Variants in PFKFB2 observed in about 807,000 individuals in gnomAD.
PFKFB2 encodes 6-phosphofructo-2-kinase/fructose-2,6-biphosphatase 2.
A neutral mutation model predicts 68.0 loss-of-function variants in PFKFB2; 53 were observed. The ratio of observed to expected loss-of-function variants is 0.78; its 90% CI spans 0.63 to 0.98. The LOEUF (loss-of-function observed/expected upper bound fraction) is 0.98. PFKFB2 is among the 50% of genes least tolerant of loss of function. PFKFB2 has a pLI of 0.00. For missense variants in PFKFB2, 451 were observed against 642.0 expected, an observed-to-expected ratio of 0.70 and a Z score of 3.22; for synonymous variants, 222 against 227.6, an observed-to-expected ratio of 0.98 and a Z score of 0.22.
At chr1:207,051,184 G>T (rs780904220), upstream of PFKFB2, 3 of 1,384,020 alleles carry the variant, frequency 2.2e-6, no homozygotes, top group Admixed American at 3.1e-5. Context: ...AAAGGACAAC[G>T]GGTCTTGCTA....
upstream of PFKFB2, chr1:207,052,253 G>C (rs1364563083): frequency 2.5e-6 from 4 of 1,609,998 alleles, no homozygotes; most frequent in African/African-American, 5.4e-5. Flanking sequence ...CATCTTTCAT[G>C]ACTCAATTTT....
intron 7 of PFKFB2, 135 bp from the exon 8 acceptor site, chr1:207,064,901 T>G: frequency 3.1e-6 from 3 of 976,462 alleles, no homozygotes; most frequent in Non-Finnish European, 4.4e-6. Flanking sequence ...GGGTACTCAA[T>G]GAGTGGAGTG....
At position 207,061,957 on chromosome 1, in the gene PFKFB2, G is replaced by T; in HGVS notation, c.90G>T (p.Trp30Cys). The T allele has an allele frequency of 6.2e-7, 1 of 1,613,742 alleles. No individual in the cohort carries two copies. Among genetic ancestry groups the T allele is most frequent in the South Asian group, 1.1e-5 (1 of 91,076 alleles). The change falls in exon 3 of 15, where the codon TGG becomes TGT. Residue 30 changes from tryptophan to cysteine, a missense_variant. Trp to Cys is a radical substitution (Grantham distance 215). Transcript: ENST00000367080. ...NLRMSEKKCS[W>C]ASYMTNSPTL... ...TTTTGTTTCATTTCCTTCTAGCATG[G>T]GCCTCCTACATGACCAACTCCCCGA...
chr1:207,066,973 A>T (rs1459137183), intron 8 of PFKFB2, among the ~76,000 whole-genome samples: 1 of 152,202 alleles, frequency 6.6e-6, no homozygotes, highest in Admixed American at 6.5e-5. Flanking sequence ...TTTTATAAAG[A>T]GAACAATCTC....
intron 8 of PFKFB2, among the ~76,000 whole-genome samples, chr1:207,065,851 C>T (rs976118929): frequency 4.6e-5 from 7 of 152,168 alleles, no homozygotes; most frequent in Non-Finnish European, 1.0e-4. Context: ...CAAAATGTCT[C>T]CAGACATGTC....
intron 1 of PFKFB2, among the ~76,000 whole-genome samples, chr1:207,039,162 T>C (rs1352686160): frequency 6.6e-6 from 1 of 152,218 alleles, no homozygotes; most frequent in Non-Finnish European, 1.5e-5. Flanking sequence ...GTCAACATAA[T>C]GCAAAATCTG....
At chr1:207,079,410 G>A (rs1405779853), downstream of PFKFB2, 3 of 242,002 alleles carry the variant, frequency 1.2e-5, no homozygotes, top group East Asian at 1.1e-4. Context: ...CTTTTCAAGT[G>A]AGAAGGTAAG....
Position 207,069,761 on chromosome 1 carries a change from C to T in PFKFB2, c.1092+233C>T, listed in dbSNP as rs535367532. Among the ~76,000 whole-genome samples the T allele has an allele frequency of 8.5e-5, 13 of 152,284 alleles. No homozygotes were observed. In the East Asian group the frequency reaches 2.5e-3, roughly 29 times the overall value. Reference sequence around the variant, plus strand: ...TGTTCAGTATGTTTTAGAATCAACACAATCATTTTTACTTCTTTTTTTCCT... The same window carrying T: ...TGTTCAGTATGTTTTAGAATCAACATAATCATTTTTACTTCTTTTTTTCCT... On this transcript the variant is annotated intron_variant, in intron 11 of 14. Coordinates refer to ENST00000367080, the MANE Select transcript of PFKFB2 (RefSeq NM_006212.2).
At position 207,070,903 on chromosome 1, in the gene PFKFB2, G is replaced by T; in HGVS notation, c.1223-285G>T. ...GAAGCTGTTGTGGTCAGACCTTATT[G>T]GCCTTTGCTGTACCCAGGTGACCCC... On this transcript the variant is annotated intron_variant, in intron 12 of 14. Coordinates refer to ENST00000367080, the MANE Select transcript of PFKFB2 (RefSeq NM_006212.2). This position sits in a 1 kb window ranked among gnomAD's most constrained non-coding sequence, Gnocchi z 4.2. 2.6e-6 allele frequency: 1 copy of T among 381,322 alleles called. No homozygotes were observed. The highest frequency in any genetic ancestry group is 4.3e-5 in the Admixed American group (1 of 23,324). The allele number at this position is 381,322 out of a possible 1,614,324, so 23.6% of individuals were successfully genotyped here.
At chr1:207,037,821 G>A (rs1027041052) in intron 1 of PFKFB2, among the ~76,000 whole-genome samples, 8 of 152,140 alleles carry the variant, frequency 5.3e-5, no homozygotes, top group Non-Finnish European at 1.0e-4. Context: ...CCTTGAGGCA[G>A]TTTAAACTTT....
upstream of PFKFB2, chr1:207,049,562 C>G (rs1402215524): frequency 6.2e-7 from 1 of 1,614,142 alleles, no homozygotes; most frequent in Non-Finnish European, 8.5e-7. Flanking sequence ...CCTCCTTCGA[C>G]GACATAGTAC....
intron 2 of PFKFB2, among the ~76,000 whole-genome samples, chr1:207,057,650 C>T (rs192692502): frequency 1.6e-4 from 25 of 151,602 alleles, no homozygotes; most frequent in East Asian, 1.5e-3. Context: ...ATTTAGAAAG[C>T]GAAAAGTAAA....
At chr1:207,057,079 G>A (rs1682944144) in intron 2 of PFKFB2, among the ~76,000 whole-genome samples, 1 of 152,064 alleles carries the variant, frequency 6.6e-6, no homozygotes, top group Non-Finnish European at 1.5e-5. Context: ...AACTGCTCCA[G>A]GGATGGGGCG....
intron 2 of PFKFB2, among the ~76,000 whole-genome samples, chr1:207,057,302 C>CAAAAAAAAAAAAAAAAA (rs748726221): frequency 2.5e-5 from 1 of 40,388 alleles, no homozygotes; most frequent in Non-Finnish European, 5.0e-5. Context: ...AAAAAAACTA[C>CAAAAAAAAAAAAAAAAA]AAAAAAAAAA....
rs1289980321 is a variant in PFKFB2 at position 207,076,242 on chromosome 1, CT to C, written c.*3880del. ...TTTGGAAATAAATTCATCTATGTTA[CT>C]TTTTTTTTCTTTTTTTTTTTTTTTT... On this transcript the variant is annotated 3_prime_UTR_variant, in exon 15 of 15. Coordinates refer to ENST00000367080, the MANE Select transcript of PFKFB2 (RefSeq NM_006212.2). 4.8e-5 allele frequency: 44 copies of C among 919,888 alleles called. No homozygotes were observed. The highest frequency in any genetic ancestry group is 2.0e-4 in the South Asian group (4 of 19,856). The allele number at this position is 919,888 out of a possible 1,614,324, so 57.0% of individuals were successfully genotyped here.
intron 2 of PFKFB2, among the ~76,000 whole-genome samples, chr1:207,059,101 T>C (rs537031236): frequency 6.6e-6 from 1 of 152,290 alleles, no homozygotes; most frequent in African/African-American, 2.4e-5. Flanking sequence ...TGTGCTTAAG[T>C]GTATTCTGGA....
chr1:207,049,759 A>T (rs1434161809), upstream of PFKFB2: 3 of 1,563,666 alleles, frequency 1.9e-6, no homozygotes, highest in Non-Finnish European at 2.6e-6. Context: ...TCTGCAAAGA[A>T]ATTACAGAAG....
chr1:207,066,021 TGCATATTATA>T (rs1683278179), intron 8 of PFKFB2, among the ~76,000 whole-genome samples: 1 of 152,242 alleles, frequency 6.6e-6, no homozygotes, highest in Non-Finnish European at 1.5e-5. Flanking sequence ...GTGTATATCA[TGCATATTATA>T]GCATAACATA....
chr1:207,066,943 C>T (rs1326694359), intron 8 of PFKFB2, among the ~76,000 whole-genome samples: 4 of 152,178 alleles, frequency 2.6e-5, no homozygotes, highest in Non-Finnish European at 5.9e-5. Context: ...TGAGCTACCG[C>T]ATCCAGCCAC....
Sources: gnomAD v4.1 joint callset for allele counts (sites outside exome capture counted in the v4.1 genomes callset) on GRCh38, gnomAD v4.1.1 for gene constraint, Gnocchi (gnomAD v3.1) non-coding constraint, MANE v1.5 for transcripts, NCBI Gene and HGNC (gene_info 2026-07-23, HGNC 2026-07-21) for gene names.